Variants in PBLD observed in about 807,000 individuals in gnomAD.
The protein encoded by PBLD is phenazine biosynthesis-like domain-containing protein.
In PBLD, 26 loss-of-function variants were observed where a neutral mutation model predicts 31.3. That is an observed-to-expected ratio of 0.83 (90% CI 0.61 to 1.15). The LOEUF (loss-of-function observed/expected upper bound fraction) is 1.15, where lower values mean the gene tolerates loss of function less well. PBLD is among the 50% of genes most tolerant of loss of function. The probability of loss-of-function intolerance (pLI) is 0.00; values close to 1 mark genes in which losing one functional copy is unlikely to be tolerated. For synonymous variants in PBLD, 114 were observed against 129.0 expected (o/e 0.88, Z 0.79); for missense variants, 307 against 351.7 (o/e 0.87, Z 1.02).
intron 2 of PBLD, among the ~76,000 whole-genome samples, chr10:68,302,253 C>G (rs1292082137): frequency 1.3e-5 from 2 of 152,206 alleles, no homozygotes; most frequent in Non-Finnish European, 2.9e-5. Flanking sequence ...AATCAAATTT[C>G]CAACAGCAAA....
Position 68,288,835 on chromosome 10 carries a change from A to C in PBLD, c.512+96T>G, listed in dbSNP as rs1016842152. 36 of 1,345,184 alleles carry C rather than the reference A, an allele frequency of 2.7e-5. No individual in the cohort carries two copies. The Admixed American group carries it at 3.6e-4, about 14-fold the overall frequency. 83.3% of individuals were successfully genotyped at this position (1,345,184 alleles called of 1,614,324 possible). A position where few individuals can be genotyped will look rare whatever the true frequency, so the allele number is the denominator to read the frequency against. ...AAGAAACACTCTGGCTGCGTAAATC[A>C]TGGTTTGACTGGACACAGCACAGCC... On this transcript the variant is annotated intron_variant, in intron 7 of 9. Coordinates refer to ENST00000358769, the MANE Select transcript of PBLD (RefSeq NM_022129.4).
chr10:68,326,982 G>T (rs1432700336), intron 1 of PBLD, among the ~76,000 whole-genome samples: 1 of 152,074 alleles, frequency 6.6e-6, no homozygotes, highest in African/African-American at 2.4e-5. Context: ...GGGAGTCAAG[G>T]GTTGCAGTGA....
At chr10:68,307,926 A>C (rs1419077913) in intron 1 of PBLD, among the ~76,000 whole-genome samples, 1 of 152,364 alleles carries the variant, frequency 6.6e-6, no homozygotes, top group East Asian at 1.9e-4. Context: ...AAATATGCTC[A>C]TTATAAAAAA....
intron 8 of PBLD, 44 bp downstream of exon 8, chr10:68,288,439 C>T (rs2044314978): frequency 6.3e-7 from 1 of 1,588,362 alleles, no homozygotes. Flanking sequence ...TGTGATCCTC[C>T]TCTTCCATTG....
chr10:68,309,220 A>C (rs892977189), intron 1 of PBLD, among the ~76,000 whole-genome samples: 3 of 149,258 alleles, frequency 2.0e-5, no homozygotes, highest in Non-Finnish European at 4.4e-5. Context: ...ACCCTGGCCA[A>C]CGTGGTGAAA....
chr10:68,332,087 T>A (rs1300920834), intron 1 of PBLD: 1 of 152,328 alleles, frequency 6.6e-6, no homozygotes, highest in East Asian at 1.9e-4. Flanking sequence ...CGCAGCTCCC[T>A]AAGCGGTTGT....
intron 1 of PBLD, among the ~76,000 whole-genome samples, chr10:68,328,089 A>C (rs1208551267): frequency 2.0e-5 from 3 of 152,210 alleles, no homozygotes; most frequent in Non-Finnish European, 2.9e-5. Context: ...ACAATGTTGA[A>C]CCATAATAAA....
chr10:68,303,379 C>T (rs2044531696), intron 2 of PBLD, among the ~76,000 whole-genome samples: 1 of 149,376 alleles, frequency 6.7e-6, no homozygotes, highest in South Asian at 2.2e-4. Flanking sequence ...AACCACCGCA[C>T]CCAGACAATT....
chr10:68,329,079 A>G (rs775218985), intron 1 of PBLD, among the ~76,000 whole-genome samples: 1 of 152,126 alleles, frequency 6.6e-6, no homozygotes, highest in Non-Finnish European at 1.5e-5. Context: ...GAGTTTCCCT[A>G]TGTTGGCCAG....
intron 9 of PBLD, among the ~76,000 whole-genome samples, chr10:68,284,916 AT>A (rs1323487015): frequency 6.6e-6 from 1 of 152,196 alleles, no homozygotes; most frequent in Non-Finnish European, 1.5e-5. Context: ...TGCAGCCTCC[AT>A]TGGCTGCCAT....
chr10:68,309,317 G>T (rs2044627820), intron 1 of PBLD, among the ~76,000 whole-genome samples: 1 of 140,396 alleles, frequency 7.1e-6, no homozygotes, highest in African/African-American at 2.7e-5. Flanking sequence ...CGAGGCAGGA[G>T]AATCGCTTGA....
intron 3 of PBLD, 55 bp from the exon 4 acceptor site, chr10:68,296,419 C>T: frequency 7.6e-7 from 1 of 1,318,720 alleles, no homozygotes; most frequent in Non-Finnish European, 1.1e-6. Flanking sequence ...AAGCAGGTCA[C>T]AGATTTCTCA....
intron 1 of PBLD, among the ~76,000 whole-genome samples, chr10:68,321,651 G>A (rs539195682): frequency 2.0e-5 from 3 of 152,270 alleles, no homozygotes; most frequent in Admixed American, 6.5e-5. Flanking sequence ...TCTAGCATAA[G>A]TGCAGGGAAA....
intron 1 of PBLD, among the ~76,000 whole-genome samples, chr10:68,323,782 T>C (rs2044871915): frequency 6.6e-6 from 1 of 152,222 alleles, no homozygotes; most frequent in Admixed American, 6.5e-5. Flanking sequence ...TGCATTCCAT[T>C]TGTTTGATAG....
chr10:68,308,590 C>T (rs10998061), intron 1 of PBLD, among the ~76,000 whole-genome samples: 57,041 of 148,932 alleles, frequency 0.38, 12,592 homozygotes, highest in Non-Finnish European at 0.44. Context: ...ACTCTGTCAC[C>T]CAGGCTGGAT....
rs1296696686 is a variant in PBLD, at chr10:68,288,425, T to A, written c.691+58A>T. 1.9e-6 allele frequency: 3 copies of A among 1,563,644 alleles called. No individual in the cohort carries two copies. In the African/African-American group the frequency reaches 4.1e-5, roughly 21 times the overall value. ...GTCACAGGAAGTGCACTTAAATAAC[T>A]ATTTGTGATCCTCCTCTTCCATTGT... On this transcript the variant is annotated intron_variant, in intron 8 of 9. Coordinates refer to ENST00000358769, the MANE Select transcript of PBLD (RefSeq NM_022129.4).
At chr10:68,319,053 G>GAGAAAGAAAGAAAGAAAGAAAGAAAGAA (rs60229423) in intron 1 of PBLD, among the ~76,000 whole-genome samples, 4 of 98,892 alleles carry the variant, frequency 4.0e-5, no homozygotes, top group East Asian at 3.6e-4. Flanking sequence ...AAGAAAGAGA[G>GAGAAAGAAAGAAAGAAAGAAAGAAAGAA]AGAAAGAAAG....
In PBLD at chr10:68,292,009, C is replaced by A. The variant is rs1407448086; in HGVS notation, c.423+1G>T. ...GCTCAGGTTTGATTCTTTTTACCAA[C>A]CTTTATCAAGTCCTCTACTTCATGG... On this transcript the variant is annotated splice_donor_variant, in intron 6 of 9. Transcript: ENST00000358769. LOFTEE classifies it high-confidence loss of function. 3.8e-6 allele frequency: 6 copies of A among 1,584,386 alleles called. No homozygotes were observed. Among genetic ancestry groups the A allele is most frequent in the South Asian group, 3.3e-5 (3 of 90,382 alleles).
intron 2 of PBLD, among the ~76,000 whole-genome samples, chr10:68,298,657 C>T (rs1481004481): frequency 6.6e-6 from 1 of 151,920 alleles, no homozygotes; most frequent in Non-Finnish European, 1.5e-5. Flanking sequence ...TAAAAGTGGG[C>T]AAGTCATTTA....
Sources: allele counts gnomAD v4.1 joint callset (sites outside exome capture counted in the v4.1 genomes callset), GRCh38; gene constraint gnomAD v4.1.1; transcripts MANE v1.5; gene names NCBI Gene and HGNC (gene_info 2026-07-23, HGNC 2026-07-21).